The following ALKBH8 variants were observed in gnomAD, a reference collection of about 807,000 sequenced individuals.
ALKBH8 encodes the protein tRNA (carboxymethyluridine(34)-5-O)-methyltransferase ALKBH8.
ALKBH8 carries 36 observed loss-of-function variants against 59.8 expected under a neutral mutation model. The ratio of observed to expected loss-of-function variants is 0.60; its 90% CI spans 0.46 to 0.79. The LOEUF (loss-of-function observed/expected upper bound fraction) is 0.79, where lower values mean the gene tolerates loss of function less well. ALKBH8 is among the 30% of genes least tolerant of loss of function. The pLI, the probability that ALKBH8 is intolerant of heterozygous loss-of-function variation, is 0.00. For missense variants in ALKBH8, 768 were observed against 801.0 expected, an observed-to-expected ratio of 0.96 and a Z score of 0.50; for synonymous variants, 276 against 273.6, an observed-to-expected ratio of 1.01 and a Z score of -0.09.
At position 107,504,596 on chromosome 11, in the gene ALKBH8, T is replaced by A; in HGVS notation, c.*62A>T. The A allele has an allele frequency of 2.0e-6, 3 of 1,518,560 alleles. No individual in the cohort carries two copies. Among genetic ancestry groups the A allele is most frequent in the Non-Finnish European group, 2.7e-6 (3 of 1,124,216 alleles). The allele number at this position is 1,518,560 out of a possible 1,614,324, so 94.1% of individuals were successfully genotyped here. On this transcript the variant is annotated 3_prime_UTR_variant, in exon 12 of 12. Coordinates refer to ENST00000428149, the MANE Select transcript of ALKBH8 (RefSeq NM_138775.3). The stretch of plus-strand genomic sequence containing the variant: ...TCTTTAATTAAAAGGGTAATTAATT[T>A]ATTCTCTCTTTTTTTTTAAGTGAGC...
chr11:107,541,112 C>T (rs925403485), intron 7 of ALKBH8, among the ~76,000 whole-genome samples: 2 of 152,062 alleles, frequency 1.3e-5, no homozygotes, highest in African/African-American at 4.8e-5. Context: ...AGATTGCTCC[C>T]CATGAGGAAA....
At chr11:107,512,030 C>G (rs906586035) in intron 10 of ALKBH8, among the ~76,000 whole-genome samples, 4 of 152,122 alleles carry the variant, frequency 2.6e-5, no homozygotes, top group African/African-American at 9.7e-5. Flanking sequence ...TGGTGGGCAG[C>G]TAGGAGTATG....
intron 7 of ALKBH8, among the ~76,000 whole-genome samples, chr11:107,538,128 T>C (rs1166385478): frequency 1.3e-5 from 2 of 152,122 alleles, no homozygotes; most frequent in East Asian, 3.8e-4. Context: ...AGATAAATAT[T>C]CGCTCCTATT....
intron 3 of ALKBH8, among the ~76,000 whole-genome samples, chr11:107,555,148 T>C (rs1166692171): frequency 6.6e-6 from 1 of 152,094 alleles, no homozygotes; most frequent in Non-Finnish European, 1.5e-5. Context: ...TAGTCTCAGC[T>C]TCTCGGGAGG....
chr11:107,532,500 T>G, intron 7 of ALKBH8, 94 bp from the exon 8 acceptor site: 1 of 968,706 alleles, frequency 1.0e-6, no homozygotes, highest in Non-Finnish European at 1.6e-6. Flanking sequence ...TTTTCTAGGC[T>G]AACAGAGATT....
intron 7 of ALKBH8, among the ~76,000 whole-genome samples, chr11:107,543,895 T>C (rs562547282): frequency 6.6e-6 from 1 of 152,274 alleles, no homozygotes; most frequent in African/African-American, 2.4e-5. Flanking sequence ...TTTAAAGAAA[T>C]GAAATTGGAG....
rs1864281887 is a variant in ALKBH8, at chr11:107,546,898, A to G, written c.771+2855T>C. Among the ~76,000 whole-genome samples, 3 of 152,322 alleles carry G rather than the reference A, an allele frequency of 2.0e-5. No homozygotes were observed. In the South Asian group the frequency reaches 6.2e-4, roughly 32 times the overall value. The stretch of plus-strand genomic sequence containing the variant: ...ATATGCTCCAGTAGTCATACAAATA[A>G]AGCATTTTAAGTAATAAAGCATTGA... On this transcript the variant is annotated intron_variant, in intron 7 of 11. Coordinates refer to ENST00000428149, the MANE Select transcript of ALKBH8 (RefSeq NM_138775.3).
At chr11:107,523,818 T>C (rs1591270762) in intron 9 of ALKBH8, among the ~76,000 whole-genome samples, 1 of 151,824 alleles carries the variant, frequency 6.6e-6, no homozygotes, top group African/African-American at 2.4e-5. Flanking sequence ...GCCAGGCTGG[T>C]CTCGAACTCC....
At chr11:107,510,493 G>A (rs915222893) in intron 11 of ALKBH8, among the ~76,000 whole-genome samples, 1 of 152,128 alleles carries the variant, frequency 6.6e-6, no homozygotes, top group Non-Finnish European at 1.5e-5. Context: ...AAGAAAAGCT[G>A]AGAAAGAAAT....
At chr11:107,532,465 A>T in intron 7 of ALKBH8, 59 bp from the exon 8 acceptor site, 1 of 1,315,898 alleles carries the variant, frequency 7.6e-7, no homozygotes, top group Non-Finnish European at 1.1e-6. Context: ...TCCAAGGATA[A>T]GAATGATTAA....
intron 10 of ALKBH8, among the ~76,000 whole-genome samples, chr11:107,515,364 T>C (rs895808442): frequency 6.6e-6 from 1 of 152,154 alleles, no homozygotes; most frequent in Non-Finnish European, 1.5e-5. Context: ...AAATGTATAC[T>C]CTTTTTTTGG....
intron 8 of ALKBH8, among the ~76,000 whole-genome samples, chr11:107,532,026 GAAAT>G (rs1483924879): frequency 6.6e-6 from 1 of 152,148 alleles, no homozygotes; most frequent in Admixed American, 6.5e-5. Flanking sequence ...ATGTGAGAGA[GAAAT>G]AAAAAATGTC....
At chr11:107,561,464 T>A (rs1008431564) in intron 1 of ALKBH8, among the ~76,000 whole-genome samples, 2 of 152,112 alleles carry the variant, frequency 1.3e-5, no homozygotes, top group Non-Finnish European at 2.9e-5. Context: ...GAAATTAACA[T>A]GAAAGTGACA....
chr11:107,549,929 A>G, intron 6 of ALKBH8, 106 bp from the exon 7 acceptor site: 1 of 751,872 alleles, frequency 1.3e-6, no homozygotes, highest in Non-Finnish European at 2.1e-6. Context: ...ATTGCTTGGT[A>G]ATCAGGAAGG....
chr11:107,517,273 G>A (rs921508342), intron 10 of ALKBH8, among the ~76,000 whole-genome samples: 2 of 152,106 alleles, frequency 1.3e-5, no homozygotes, highest in African/African-American at 2.4e-5. Context: ...AACAAACGGC[G>A]TTGAGGATGT....
At chr11:107,525,407 C>T in intron 9 of ALKBH8, 34 bp downstream of exon 9, 2 of 1,500,318 alleles carry the variant, frequency 1.3e-6, no homozygotes, top group Non-Finnish European at 1.8e-6. Flanking sequence ...TAAACTGACT[C>T]CATTTTACAG....
intron 7 of ALKBH8, among the ~76,000 whole-genome samples, chr11:107,537,042 C>T (rs778880581): frequency 2.6e-5 from 4 of 152,182 alleles, no homozygotes; most frequent in Non-Finnish European, 4.4e-5. Flanking sequence ...TATGGTGAGG[C>T]CTGAAAAATC....
chr11:107,521,349 A>G (rs1863102729), intron 10 of ALKBH8, among the ~76,000 whole-genome samples: 1 of 152,194 alleles, frequency 6.6e-6, no homozygotes, highest in South Asian at 2.1e-4. Context: ...TGATCATTAA[A>G]TATGCATTTT....
intron 2 of ALKBH8, among the ~76,000 whole-genome samples, chr11:107,558,689 C>G (rs1864810680): frequency 6.6e-6 from 1 of 152,022 alleles, no homozygotes; most frequent in Non-Finnish European, 1.5e-5. Flanking sequence ...ATGTGAGATA[C>G]ATATAATTAA....
Sources: allele counts gnomAD v4.1 joint callset (sites outside exome capture counted in the v4.1 genomes callset), GRCh38; gene constraint gnomAD v4.1.1; transcripts MANE v1.5; gene names NCBI Gene and HGNC (gene_info 2026-07-23, HGNC 2026-07-21).